Variants in WDFY1 observed in about 807,000 individuals in gnomAD.
WDFY1 encodes the protein WD repeat and FYVE domain containing 1.
Under a neutral mutation model 56.4 loss-of-function variants are expected in WDFY1, and 32 were observed. That is an observed-to-expected ratio of 0.57 (90% CI 0.43 to 0.76). WDFY1 has a LOEUF of 0.76. Among genes scored for constraint, WDFY1 ranks in the 30% least tolerant of loss-of-function variants. The probability of loss-of-function intolerance (pLI) is 0.00; values close to 1 mark genes in which losing one functional copy is unlikely to be tolerated. For missense variants in WDFY1, 480 were observed against 545.7 expected, an observed-to-expected ratio of 0.88 and a Z score of 1.20; for synonymous variants, 192 against 197.3, an observed-to-expected ratio of 0.97 and a Z score of 0.23.
chr2:223,891,411 G>C (rs568632211), intron 8 of WDFY1, among the ~76,000 whole-genome samples: 2 of 92,704 alleles, frequency 2.2e-5, no homozygotes, highest in African/African-American at 8.3e-5. Context: ...AAAATCCTAA[G>C]GCAGGGTCAG....
chr2:223,937,339 A>G (rs904171052), intron 1 of WDFY1, among the ~76,000 whole-genome samples: 1 of 152,230 alleles, frequency 6.6e-6, no homozygotes, highest in African/African-American at 2.4e-5. Flanking sequence ...AAAATGCAAA[A>G]TAAGTGGAAA....
chr2:223,915,695 G>A (rs1447861117), intron 2 of WDFY1, among the ~76,000 whole-genome samples: 3 of 152,176 alleles, frequency 2.0e-5, no homozygotes, highest in South Asian at 4.1e-4. Context: ...ACTGATACGC[G>A]TTCCTCAGGC....
intron 8 of WDFY1, among the ~76,000 whole-genome samples, chr2:223,886,729 TA>T (rs34317110): frequency 2.1e-4 from 20 of 95,624 alleles, no homozygotes; most frequent in African/African-American, 4.4e-4. Flanking sequence ...AAACTCCGTC[TA>T]AAAAAAAAAA....
chr2:223,939,625 A>C (rs1434658024), intron 1 of WDFY1, among the ~76,000 whole-genome samples: 1 of 152,194 alleles, frequency 6.6e-6, no homozygotes, highest in Non-Finnish European at 1.5e-5. Context: ...AACCAAGCCA[A>C]AGGGGTTTTC....
At chr2:223,889,858 T>C (rs1559163696) in intron 8 of WDFY1, among the ~76,000 whole-genome samples, 1 of 152,228 alleles carries the variant, frequency 6.6e-6, no homozygotes, top group Non-Finnish European at 1.5e-5. Flanking sequence ...CCAGGCAATG[T>C]GCCAAGTGTT....
At chr2:223,898,735 AAAGT>A (rs1457061023) in intron 6 of WDFY1, among the ~76,000 whole-genome samples, 1 of 152,150 alleles carries the variant, frequency 6.6e-6, no homozygotes, top group East Asian at 1.9e-4. Context: ...AGCAACGTAG[AAAGT>A]ATTATCCACA....
chr2:223,912,532 C>G (rs911847336), intron 2 of WDFY1, among the ~76,000 whole-genome samples: 1 of 152,196 alleles, frequency 6.6e-6, no homozygotes, highest in Non-Finnish European at 1.5e-5. Flanking sequence ...CACAAATCTT[C>G]TCAGTTGTTT....
intron 3 of WDFY1, among the ~76,000 whole-genome samples, chr2:223,911,862 CG>C (rs1441286130): frequency 6.6e-6 from 1 of 151,180 alleles, no homozygotes; most frequent in Non-Finnish European, 1.5e-5. Context: ...GCTGCCCAGG[CG>C]AAAGTGCAGT....
At chr2:223,881,899 G>C in intron 10 of WDFY1, 43 bp downstream of exon 10, 2 of 1,607,414 alleles carry the variant, frequency 1.2e-6, no homozygotes, top group Admixed American at 1.7e-5. Flanking sequence ...CCATTAGACA[G>C]ATGTAATAAG....
intron 6 of WDFY1, among the ~76,000 whole-genome samples, chr2:223,897,723 G>C (rs1247187232): frequency 6.6e-6 from 1 of 151,982 alleles, no homozygotes; most frequent in Non-Finnish European, 1.5e-5. Context: ...TTGCAGGTGG[G>C]GCTTGGTAGT....
At chr2:223,928,304 T>C (rs1214267087) in intron 1 of WDFY1, among the ~76,000 whole-genome samples, 1 of 152,128 alleles carries the variant, frequency 6.6e-6, no homozygotes, top group Non-Finnish European at 1.5e-5. Context: ...AAGGTATGCT[T>C]GTATCAAATC....
At chr2:223,912,138 A>C in intron 3 of WDFY1, 115 bp downstream of exon 3, 1 of 1,112,182 alleles carries the variant, frequency 9.0e-7, no homozygotes, top group Non-Finnish European at 1.3e-6. Flanking sequence ...TTTCATGCCA[A>C]ACAATCGAGC....
At chr2:223,897,142 C>A (rs1455628666) in intron 6 of WDFY1, among the ~76,000 whole-genome samples, 1 of 151,852 alleles carries the variant, frequency 6.6e-6, no homozygotes, top group Non-Finnish European at 1.5e-5. Flanking sequence ...TTTATTATAA[C>A]TTGTTACAAC....
intron 4 of WDFY1, among the ~76,000 whole-genome samples, 174 bp downstream of exon 4, chr2:223,905,773 T>C (rs1220944868): frequency 1.3e-5 from 2 of 152,190 alleles, no homozygotes; most frequent in Admixed American, 1.3e-4. Flanking sequence ...AAATTTTAAA[T>C]GTTAATGAGC....
At chr2:223,936,921 GGAA>G (rs775851115) in intron 1 of WDFY1, among the ~76,000 whole-genome samples, 14 of 152,238 alleles carry the variant, frequency 9.2e-5, no homozygotes, top group Non-Finnish European at 1.9e-4. Context: ...TGACTCCACA[GGAA>G]GAGGACTCTT....
At position 223,918,922 on chromosome 2, in the gene WDFY1, C is replaced by T. The variant is rs541447361; in HGVS notation, c.138-912G>A. On this transcript the variant is annotated intron_variant, in intron 1 of 11. Transcript: ENST00000233055. Reference sequence around the variant, plus strand: ...CCACATCTCTGGGGCCCTCTTTCATCGGAACATGCACAGGGTGATGAGGAA... The same window carrying T: ...CCACATCTCTGGGGCCCTCTTTCATTGGAACATGCACAGGGTGATGAGGAA... Among the ~76,000 whole-genome samples, 6 of 152,264 alleles carry T rather than the reference C, an allele frequency of 3.9e-5. No individual in the cohort carries two copies. In the East Asian group the frequency reaches 5.8e-4, roughly 15 times the overall value.
chr2:223,888,583 T>A, intron 8 of WDFY1, among the ~76,000 whole-genome samples: 1 of 86,834 alleles, frequency 1.2e-5, no homozygotes. Flanking sequence ...TTTTAAATTC[T>A]CAATTTTTTT....
chr2:223,880,769 T>C (rs1693055337), intron 10 of WDFY1, among the ~76,000 whole-genome samples: 1 of 151,672 alleles, frequency 6.6e-6, no homozygotes, highest in African/African-American at 2.4e-5. Context: ...TAACTGATTT[T>C]TTTTTTTTAC....
intron 3 of WDFY1, among the ~76,000 whole-genome samples, chr2:223,906,945 T>C (rs1693605731): frequency 9.4e-6 from 1 of 106,188 alleles, no homozygotes; most frequent in Non-Finnish European, 1.9e-5. Context: ...AAATCACGAA[T>C]TACTACTACC....
Sources: gnomAD v4.1 joint callset for allele counts (sites outside exome capture counted in the v4.1 genomes callset) on GRCh38, gnomAD v4.1.1 for gene constraint, MANE v1.5 for transcripts, NCBI Gene and HGNC (gene_info 2026-07-23, HGNC 2026-07-21) for gene names.